PCDH11X: variants seen among roughly 807,000 people sequenced by gnomAD.
PCDH11X encodes the protein protocadherin 11 X-linked.
In PCDH11X, 18 loss-of-function variants were observed where a neutral mutation model predicts 53.3. The observed-to-expected ratio is 0.34, with a 90% confidence interval of 0.23 to 0.50. The LOEUF (loss-of-function observed/expected upper bound fraction) is 0.50. Among genes scored for constraint, PCDH11X ranks in the 20% least tolerant of loss-of-function variants. The pLI, the probability that PCDH11X is intolerant of heterozygous loss-of-function variation, is 0.98. For synonymous variants in PCDH11X, 279 were observed against 393.3 expected, an observed-to-expected ratio of 0.71 and a Z score of 3.44; for missense variants, 570 against 1,032.4, an observed-to-expected ratio of 0.55 and a Z score of 6.14.
intron 6 of PCDH11X, among the ~76,000 whole-genome samples, chrX:91,933,941 T>C (rs2061416322): frequency 9.1e-6 from 1 of 109,849 alleles, no homozygotes; most frequent in Admixed American, 9.8e-5. Context: ...AATGGAGACA[T>C]TCTTAATGGC....
Position 92,113,183 on chromosome X carries a change from G to A in PCDH11X, c.3034-88192G>A, listed in dbSNP as rs762619483. 161 of 1,093,560 alleles carry A rather than the reference G, an allele frequency of 1.5e-4. No homozygotes were observed. In the South Asian group the frequency reaches 2.3e-3, roughly 16 times the overall value. 90.1% of individuals were successfully genotyped at this position (1,093,560 alleles called of 1,213,427 possible). ...TTGGCTCCCTTCCTTCCCCTCTCCT[G>A]CTGCTCCTCAGCCCCCCGAGATTGA... On this transcript the variant is annotated intron_variant, in intron 6 of 10. Coordinates refer to ENST00000682573, the MANE Select transcript of PCDH11X (RefSeq NM_032968.5).
At chrX:91,902,355 T>C (rs1940986416) in intron 6 of PCDH11X, among the ~76,000 whole-genome samples, 1 of 110,518 alleles carries the variant, frequency 9.0e-6, no homozygotes, top group South Asian at 3.9e-4. Flanking sequence ...ATCTTTCTGC[T>C]CTATTTGACA....
At chrX:92,117,281 C>T (rs768993705) in intron 6 of PCDH11X, among the ~76,000 whole-genome samples, 1 of 109,541 alleles carries the variant, frequency 9.1e-6, no homozygotes, top group Admixed American at 9.9e-5. Context: ...TACCAAAATA[C>T]AAAAATTAGC....
chrX:92,082,112 C>G lies in PCDH11X; in HGVS notation c.3034-119263C>G, dbSNP rs138301881. Among the ~76,000 whole-genome samples, 513 of 111,333 alleles carry G rather than the reference C, an allele frequency of 4.6e-3. 4 individuals are homozygous for G. The highest frequency in any genetic ancestry group is 0.016 in the African/African-American group (482 of 30,694). ...AATCCATTATGTGGCAAAGCCAAGA[C>G]CGAAACCCAGGCCTACCTGACACCA... On this transcript the variant is annotated intron_variant, in intron 6 of 10. Coordinates refer to ENST00000682573, the MANE Select transcript of PCDH11X (RefSeq NM_032968.5).
chrX:92,252,374 T>TACACACACACACAC lies in PCDH11X; in HGVS notation c.3115-10729_3115-10716dup, dbSNP rs757873528. On this transcript the variant is annotated intron_variant, in intron 7 of 10. Coordinates refer to ENST00000682573, the MANE Select transcript of PCDH11X (RefSeq NM_032968.5). ...TTCACAAGCTTCTAGTTTGTCATGT[T>TACACACACACACAC]ACACACACACACACACACACACACG... Among the ~76,000 whole-genome samples the TACACACACACACAC allele has an allele frequency of 6.7e-3, 705 of 104,586 alleles. 4 individuals are homozygous for TACACACACACACAC. The highest frequency in any genetic ancestry group is 0.018 in the African/African-American group (497 of 28,293). 90.8% of individuals were successfully genotyped at this position (104,586 alleles called of 115,157 possible).
chrX:91,907,605 A>C lies in PCDH11X; in HGVS notation c.3033+28332A>C, dbSNP rs750751184. Among the ~76,000 whole-genome samples the C allele has an allele frequency of 5.6e-5, 6 of 107,713 alleles. No individual in the cohort carries two copies. The South Asian group carries it at 2.5e-3, about 46-fold the overall frequency. 93.5% of individuals were successfully genotyped at this position (107,713 alleles called of 115,157 possible). A position where few individuals can be genotyped will look rare whatever the true frequency, so the allele number is the denominator to read the frequency against. On this transcript the variant is annotated intron_variant, in intron 6 of 10. Transcript: ENST00000682573. ...TTAGTTATTTCTTTAACAGTTTTTC[A>C]AACAATCACAGTTATGTAATTCCTT...
chrX:91,924,865 A>C (rs1279044981), intron 6 of PCDH11X, among the ~76,000 whole-genome samples: 2 of 111,311 alleles, frequency 1.8e-5, no homozygotes. Flanking sequence ...TGGCTGCTGG[A>C]AATATTTTTT....
intron 6 of PCDH11X, among the ~76,000 whole-genome samples, chrX:92,094,760 A>C (rs1209917988): frequency 4.5e-5 from 5 of 111,749 alleles, no homozygotes; most frequent in Admixed American, 9.6e-5. Context: ...TGCCATCATG[A>C]ATACCTTCTG....
intron 6 of PCDH11X, among the ~76,000 whole-genome samples, chrX:92,019,028 C>A (rs1464386614): frequency 9.0e-6 from 1 of 111,107 alleles, no homozygotes; most frequent in East Asian, 2.9e-4. Context: ...GAACAGCTAA[C>A]ACTGAGGGAT....
chrX:92,389,979 T>G (rs2071090603), intron 9 of PCDH11X, among the ~76,000 whole-genome samples: 2 of 110,255 alleles, frequency 1.8e-5, no homozygotes, highest in African/African-American at 6.6e-5. Flanking sequence ...CATTAAAAAC[T>G]TTAGTTGCTC....
chrX:92,188,672 C>T (rs892411955), intron 6 of PCDH11X, among the ~76,000 whole-genome samples: 1 of 111,526 alleles, frequency 9.0e-6, no homozygotes, highest in African/African-American at 3.3e-5. Flanking sequence ...TGAGATGAAA[C>T]ACAAAAGAAT....
intron 10 of PCDH11X, among the ~76,000 whole-genome samples, chrX:92,490,708 AAAAGAAAG>A (rs779937911): frequency 9.0e-5 from 9 of 100,514 alleles, no homozygotes; most frequent in Non-Finnish European, 1.4e-4. Context: ...TTCTAAGAGA[AAAAGAAAG>A]AAAGAAAGAA....
chrX:92,040,373 C>G (rs1449166374), intron 6 of PCDH11X, among the ~76,000 whole-genome samples: 1 of 104,485 alleles, frequency 9.6e-6, no homozygotes, highest in African/African-American at 3.5e-5. Context: ...GGGGAATTCC[C>G]CTCTGGCTAG....
intron 6 of PCDH11X, among the ~76,000 whole-genome samples, chrX:91,910,147 A>G (rs1348363444): frequency 9.2e-6 from 1 of 108,200 alleles, no homozygotes; most frequent in Non-Finnish European, 1.9e-5. Flanking sequence ...CAGCCAGTGA[A>G]ACAAAGTATC....
At chrX:92,325,878 C>T (rs1295251871) in intron 8 of PCDH11X, among the ~76,000 whole-genome samples, 1 of 111,429 alleles carries the variant, frequency 9.0e-6, no homozygotes, top group Non-Finnish European at 1.9e-5. Context: ...TTATTTCTCT[C>T]TGTAGTCAAG....
intron 10 of PCDH11X, among the ~76,000 whole-genome samples, chrX:92,568,957 A>G (rs56180563): frequency 8.9e-6 from 1 of 111,956 alleles, no homozygotes; most frequent in African/African-American, 3.2e-5. Context: ...TTAAAGTTCA[A>G]TTCTCTCTCA....
At chrX:91,993,229 T>A in intron 6 of PCDH11X, among the ~76,000 whole-genome samples, 1 of 112,813 alleles carries the variant, frequency 8.9e-6, no homozygotes, top group Non-Finnish European at 1.9e-5. Context: ...AAGGTGAAAT[T>A]TGTTAAAGTT....
chrX:91,873,929 C>T (rs1176430543), intron 5 of PCDH11X, among the ~76,000 whole-genome samples: 1 of 110,465 alleles, frequency 9.1e-6, no homozygotes, highest in Non-Finnish European at 1.9e-5. Flanking sequence ...GTGTCAATAC[C>T]ATCATTAAAT....
At chrX:92,252,843 AC>A (rs1199030487) in intron 7 of PCDH11X, among the ~76,000 whole-genome samples, 1 of 110,506 alleles carries the variant, frequency 9.0e-6, no homozygotes. Context: ...ACTTTCGGTT[AC>A]CTTCATTTAG....
Sources: gnomAD v4.1 joint callset for allele counts (sites outside exome capture counted in the v4.1 genomes callset) on GRCh38, gnomAD v4.1.1 for gene constraint, MANE v1.5 for transcripts, NCBI Gene and HGNC (gene_info 2026-07-23, HGNC 2026-07-21) for gene names.